Variants in RFX2 observed in about 807,000 individuals in gnomAD.
RFX2 encodes DNA-binding protein RFX2.
A neutral mutation model predicts 87.8 loss-of-function variants in RFX2; 20 were observed. The observed-to-expected ratio is 0.23, with a 90% CI of 0.16 to 0.33. RFX2 has a LOEUF of 0.33. RFX2 is among the 10% of genes least tolerant of loss of function. The probability of loss-of-function intolerance (pLI) is 1.00; values close to 1 mark genes in which losing one functional copy is unlikely to be tolerated. For missense variants in RFX2, 767 were observed against 1,012.3 expected (o/e 0.76, Z 3.29); for synonymous variants, 397 against 431.3 (o/e 0.92, Z 0.98).
rs76137197 is a variant in RFX2, at chr19:6,016,745, C to A, written c.598-474G>T. On this transcript the variant is annotated intron_variant, in intron 6 of 17. Coordinates refer to ENST00000303657, the MANE Select transcript of RFX2 (RefSeq NM_000635.4). The surrounding 1 kb of genome is among the most constrained non-coding windows in gnomAD (Gnocchi z 5.4). ...AGTTCTCTAAGCAGATTAATGAATC[C>A]CTCATTTTCTTTTGCTTATTGATTC... 2.0e-5 allele frequency among the ~76,000 whole-genome samples: 3 copies of A among 152,246 alleles called. No individual in the cohort carries two copies. The highest frequency in any genetic ancestry group is 4.4e-5 in the Non-Finnish European group (3 of 68,016).
intron 1 of RFX2, among the ~76,000 whole-genome samples, chr19:6,104,830 G>A (rs1223929409): frequency 6.6e-6 from 1 of 151,904 alleles, no homozygotes; most frequent in Non-Finnish European, 1.5e-5. Flanking sequence ...TCAGCCCTGG[G>A]GATATAGAAG....
chr19:6,107,616 C>CAAAAAAAAAAAAAAAAAAAAAA (rs1156483792), intron 1 of RFX2, among the ~76,000 whole-genome samples: 2 of 31,556 alleles, frequency 6.3e-5, no homozygotes, highest in Non-Finnish European at 1.2e-4. Context: ...GACCCTGTCT[C>CAAAAAAAAAAAAAAAAAAAAAA]AAAAAAAAAA....
chr19:6,062,551 G>T (rs1490190891), intron 1 of RFX2, among the ~76,000 whole-genome samples: 1 of 152,222 alleles, frequency 6.6e-6, no homozygotes, highest in African/African-American at 2.4e-5. Context: ...CCTACGTGGA[G>T]CTTCCGTCTC....
chr19:6,005,137 T>C (rs1290686559), intron 12 of RFX2, among the ~76,000 whole-genome samples: 3 of 151,914 alleles, frequency 2.0e-5, no homozygotes, highest in Non-Finnish European at 4.4e-5. Flanking sequence ...TATTTTAAAA[T>C]GCAAAAGGAA....
At position 6,042,140 on chromosome 19, in the gene RFX2, G is replaced by C. The variant is rs375810378; in HGVS notation, c.181-17C>G. On this transcript the variant is annotated splice_polypyrimidine_tract_variant and intron_variant, in intron 3 of 17. Transcript: ENST00000303657. Reference sequence around the variant, plus strand: ...CGGCTGCACCTGAAACATCGGATACGCTGCGTTACCGCCAGTCACGCCCTC... The same window carrying C: ...CGGCTGCACCTGAAACATCGGATACCCTGCGTTACCGCCAGTCACGCCCTC... The C allele has an allele frequency of 6.2e-7, 1 of 1,611,610 alleles. No individual in the cohort carries two copies. The highest frequency in any genetic ancestry group is 1.7e-5 in the Admixed American group (1 of 60,002).
intron 5 of RFX2, among the ~76,000 whole-genome samples, chr19:6,035,572 G>T (rs1272298497): frequency 6.6e-6 from 1 of 152,188 alleles, no homozygotes; most frequent in Non-Finnish European, 1.5e-5. Context: ...ACTTGCTTCA[G>T]TGTTTGTGCT....
chr19:6,099,959 C>A (rs190404302), intron 1 of RFX2, among the ~76,000 whole-genome samples: 6 of 152,286 alleles, frequency 3.9e-5, no homozygotes, highest in African/African-American at 1.4e-4. Context: ...TGCTCCACAT[C>A]CTACAGTGCA....
At chr19:6,082,394 G>T (rs891235111) in intron 1 of RFX2, among the ~76,000 whole-genome samples, 1 of 151,944 alleles carries the variant, frequency 6.6e-6, no homozygotes, top group South Asian at 2.1e-4. Context: ...TAAGAGGAGG[G>T]TCCTTCTCTC....
In RFX2 at chr19:6,040,274, C is replaced by T. The variant is rs1015340874; in HGVS notation, c.261-33G>A. On this transcript the variant is annotated intron_variant, in intron 4 of 17. Transcript: ENST00000303657. This position sits in a 1 kb window ranked among gnomAD's most constrained non-coding sequence, Gnocchi z 6.1. Reference sequence around the variant, plus strand: ...AAAGAGAGAAGTCACGCATGGGACGCTGTCCCATTTAAATGCCTTGTCTGA... The same window carrying T: ...AAAGAGAGAAGTCACGCATGGGACGTTGTCCCATTTAAATGCCTTGTCTGA... The T allele has an allele frequency of 1.3e-6, 2 of 1,496,294 alleles. No individual in the cohort carries two copies. Among genetic ancestry groups the T allele is most frequent in the Non-Finnish European group, 1.8e-6 (2 of 1,117,846 alleles). The allele number at this position is 1,496,294 out of a possible 1,614,324, so 92.7% of individuals were successfully genotyped here. A position where few individuals can be genotyped will look rare whatever the true frequency, so the allele number is the denominator to read the frequency against.
At position 6,004,856 on chromosome 19, in the gene RFX2, C is replaced by T. The variant is rs192337395; in HGVS notation, c.1403-558G>A. ...GAAAAAGGCCAGGTGTGGTGGCTGA[C>T]GCCTGTAGTCCCAGCACTTTGGGAG... On this transcript the variant is annotated intron_variant, in intron 12 of 17. Coordinates refer to ENST00000303657, the MANE Select transcript of RFX2 (RefSeq NM_000635.4). The surrounding 1 kb of genome is among the most constrained non-coding windows in gnomAD (Gnocchi z 4.8). Among the ~76,000 whole-genome samples the T allele has an allele frequency of 1.9e-4, 29 of 151,322 alleles. No individual in the cohort carries two copies. In the East Asian group the frequency reaches 4.8e-3, roughly 25 times the overall value.
At chr19:6,104,732 T>TTAAGA (rs1403489663) in intron 1 of RFX2, among the ~76,000 whole-genome samples, 2 of 152,144 alleles carry the variant, frequency 1.3e-5, no homozygotes, top group Non-Finnish European at 2.9e-5. Flanking sequence ...CATTTCTACA[T>TTAAGA]ATGCTTTCCC....
chr19:6,007,205 C>T lies in RFX2; in HGVS notation c.1248-39G>A. The T allele has an allele frequency of 1.3e-6, 2 of 1,596,502 alleles. No homozygotes were observed. Among genetic ancestry groups the T allele is most frequent in the Non-Finnish European group, 1.7e-6 (2 of 1,168,736 alleles). ...GGGGACAGGTGAGCTGTGGCCTGGC[C>T]CAGGTGGGCTCACTCAGCCACGGGA... On this transcript the variant is annotated intron_variant, in intron 11 of 17. Transcript: ENST00000303657. The surrounding 1 kb of genome is among the most constrained non-coding windows in gnomAD (Gnocchi z 8.2).
intron 1 of RFX2, among the ~76,000 whole-genome samples, chr19:6,084,951 G>A (rs1032783238): frequency 6.6e-6 from 1 of 152,086 alleles, no homozygotes; most frequent in Non-Finnish European, 1.5e-5. Flanking sequence ...TTGTCCTTTT[G>A]TGTCTGATTT....
Position 5,994,870 on chromosome 19 carries a change from G to C in RFX2, c.2137C>G (p.Arg713Gly), listed in dbSNP as rs1185124896. 1 of 1,610,482 alleles carries C rather than the reference G, an allele frequency of 6.2e-7. No homozygotes were observed. Among genetic ancestry groups the C allele is most frequent in the Non-Finnish European group, 8.5e-7 (1 of 1,179,834 alleles). The change falls in exon 18 of 18, where the codon CGC (arginine) becomes GGC (glycine). Residue 713 changes from arginine (R) to glycine (G), a missense_variant. This residue lies in a region of RFX2 where 621 missense variants were observed against 873.0 expected (regional missense o/e 0.71). Transcript: ENST00000303657. Reference sequence around the variant, plus strand: ...TGCAGGGAGTGGTTGGGGTCACTGCGCTCCCGCTTTACCAGGGGCTCACCC... The same window carrying C: ...TGCAGGGAGTGGTTGGGGTCACTGCCCTCCCGCTTTACCAGGGGCTCACCC... The part of the protein sequence containing the change: ...SLGEPLVKRE[R>G]SDPNHSLQGI
chr19:6,105,067 G>A (rs888188599), intron 1 of RFX2, among the ~76,000 whole-genome samples: 2 of 149,192 alleles, frequency 1.3e-5, no homozygotes, highest in Admixed American at 6.7e-5. Flanking sequence ...GCAGTGAGCC[G>A]AGATTGCACC....
rs2087081825 is a variant in RFX2, at chr19:6,039,935, A to C, written c.522+45T>G. On this transcript the variant is annotated intron_variant, in intron 5 of 17. Transcript: ENST00000303657. This position sits in a 1 kb window ranked among gnomAD's most constrained non-coding sequence, Gnocchi z 5.2. ...CCATCCCTGCTGCCGCTGCTTCGAG[A>C]ATACTCATGGCCTACCCTGCTGGTC... The C allele has an allele frequency of 6.7e-7, 1 of 1,487,476 alleles. No individual in the cohort carries two copies. The highest frequency in any genetic ancestry group is 1.4e-5 in the African/African-American group (1 of 71,652). The allele number at this position is 1,487,476 out of a possible 1,614,324, so 92.1% of individuals were successfully genotyped here.
intron 1 of RFX2, among the ~76,000 whole-genome samples, chr19:6,070,479 C>A (rs1354036518): frequency 6.6e-6 from 1 of 152,020 alleles, no homozygotes; most frequent in Non-Finnish European, 1.5e-5. Flanking sequence ...GGCCTCCACT[C>A]TCAGCAGGGT....
chr19:6,067,761 T>C (rs1350773910), intron 1 of RFX2, among the ~76,000 whole-genome samples: 5 of 152,160 alleles, frequency 3.3e-5, no homozygotes, highest in East Asian at 1.9e-4. Context: ...AACATTTTGA[T>C]AGAATGAGCA....
rs1156483792 is a variant in RFX2, at chr19:6,107,616, C to CAAAAA, written c.-9+2772_-9+2776dup. Among the ~76,000 whole-genome samples the CAAAAA allele has an allele frequency of 2.4e-3, 77 of 31,546 alleles. 12 individuals carry two copies. Among genetic ancestry groups the CAAAAA allele is most frequent in the African/African-American group, 8.4e-3 (68 of 8,070 alleles). 20.7% of individuals were successfully genotyped at this position (31,546 alleles called of 152,430 possible). ...TGGGTGACAGAGTGAGACCCTGTCT[C>CAAAAA]AAAAAAAAAAAAAAAAAAAAAAAAA... On this transcript the variant is annotated intron_variant, in intron 1 of 17. Coordinates refer to ENST00000303657, the MANE Select transcript of RFX2 (RefSeq NM_000635.4).
Sources: gnomAD v4.1 joint callset for allele counts (sites outside exome capture counted in the v4.1 genomes callset) on GRCh38, gnomAD v4.1.1 for gene constraint, gnomAD v4.1.1 regional missense constraint, Gnocchi (gnomAD v3.1) non-coding constraint, MANE v1.5 for transcripts, NCBI Gene and HGNC (gene_info 2026-07-23, HGNC 2026-07-21) for gene names.